ADAM10: variants seen among roughly 807,000 people sequenced by gnomAD.
ADAM10 encodes the protein ADAM metallopeptidase domain 10.
A neutral mutation model predicts 90.1 loss-of-function variants in ADAM10; 17 were observed. That is an observed-to-expected ratio of 0.19 (90% confidence interval 0.13 to 0.28). ADAM10 has a LOEUF of 0.28. ADAM10 is among the 10% of genes least tolerant of loss of function. The probability of loss-of-function intolerance (pLI) is 1.00; values close to 1 mark genes in which losing one functional copy is unlikely to be tolerated. For synonymous variants in ADAM10, 310 were observed against 298.6 expected, an observed-to-expected ratio of 1.04 and a Z score of -0.40; for missense variants, 610 against 914.3, an observed-to-expected ratio of 0.67 and a Z score of 4.29.
rs1894956073 is a variant in ADAM10, at chr15:58,596,535, C to T, written c.*1012G>A. On this transcript the variant is annotated 3_prime_UTR_variant, in exon 16 of 16. Coordinates refer to ENST00000260408, the MANE Select transcript of ADAM10 (RefSeq NM_001110.4). ...TTTAAATATTTTGATAAAGACACAGCTTTTCTTTTCCATATCAGACAGAAA... is the reference window on the plus strand; with the variant it reads ...TTTAAATATTTTGATAAAGACACAGTTTTTCTTTTCCATATCAGACAGAAA... The T allele has an allele frequency of 6.6e-6, 1 of 152,558 alleles. No homozygotes were observed. Among genetic ancestry groups the T allele is most frequent in the Non-Finnish European group, 1.5e-5 (1 of 68,012 alleles). The allele number at this position is 152,558 out of a possible 1,614,324, so 9.5% of individuals were successfully genotyped here.
chr15:58,744,553 C>T (rs1259606796), intron 1 of ADAM10, among the ~76,000 whole-genome samples: 1 of 152,160 alleles, frequency 6.6e-6, no homozygotes, highest in Admixed American at 6.5e-5. Flanking sequence ...CCATTTCAGT[C>T]ATTTCTGGAA....
intron 1 of ADAM10, among the ~76,000 whole-genome samples, chr15:58,738,922 T>G (rs1389169712): frequency 6.6e-6 from 1 of 152,146 alleles, no homozygotes; most frequent in Non-Finnish European, 1.5e-5. Context: ...CCTACATCAC[T>G]TTCACACTCA....
chr15:58,641,012 G>A (rs1289851132), intron 7 of ADAM10, 52 bp from the exon 8 acceptor site: 1 of 1,512,384 alleles, frequency 6.6e-7, no homozygotes, highest in Non-Finnish European at 9.2e-7. Flanking sequence ...CAGAGCTTTA[G>A]TGTGAATGTC....
In ADAM10 at chr15:58,591,728, A is replaced by T. The variant is rs1894827612; in HGVS notation, c.*5819T>A. On this transcript the variant is annotated 3_prime_UTR_variant, in exon 16 of 16. Transcript: ENST00000260408. ...CAGCCAACTTCAATCCTTATTTTTA[A>T]GCAAAAACTTATACATCGTATCATT... The T allele has an allele frequency of 6.6e-6, 1 of 152,248 alleles. No homozygotes were observed. Among genetic ancestry groups the T allele is most frequent in the Non-Finnish European group, 1.5e-5 (1 of 68,038 alleles). The allele number at this position is 152,248 out of a possible 1,614,324, so 9.4% of individuals were successfully genotyped here. A position where few individuals can be genotyped will look rare whatever the true frequency, so the allele number is the denominator to read the frequency against.
intron 14 of ADAM10, among the ~76,000 whole-genome samples, chr15:58,604,807 GT>G (rs1895222777): frequency 1.3e-5 from 2 of 152,176 alleles, no homozygotes; most frequent in Admixed American, 1.3e-4. Flanking sequence ...GAATGCAGTG[GT>G]GCAATCACGG....
At chr15:58,673,660 G>A (rs1395237286) in intron 4 of ADAM10, among the ~76,000 whole-genome samples, 1 of 151,734 alleles carries the variant, frequency 6.6e-6, no homozygotes, top group Non-Finnish European at 1.5e-5. Context: ...TGCATAATAT[G>A]CATAATATGA....
At chr15:58,685,497 AAAG>A (rs1317618460) in intron 2 of ADAM10, among the ~76,000 whole-genome samples, 10 of 106,628 alleles carry the variant, frequency 9.4e-5, no homozygotes, top group African/African-American at 5.1e-4. Flanking sequence ...AAGATACAAA[AAAG>A]AATATAGTAC....
intron 5 of ADAM10, among the ~76,000 whole-genome samples, chr15:58,652,325 G>A (rs1423091580): frequency 6.6e-6 from 1 of 152,134 alleles, no homozygotes; most frequent in Non-Finnish European, 1.5e-5. Context: ...TTGTCCACAT[G>A]AAAGTGGGGA....
At chr15:58,740,202 G>C (rs549519471) in intron 1 of ADAM10, among the ~76,000 whole-genome samples, 1 of 152,296 alleles carries the variant, frequency 6.6e-6, no homozygotes, top group Non-Finnish European at 1.5e-5. Flanking sequence ...TTGAGGTCTA[G>C]AGTTCGAGGC....
chr15:58,606,190 T>C (rs1428450188), intron 14 of ADAM10, among the ~76,000 whole-genome samples: 3 of 152,148 alleles, frequency 2.0e-5, no homozygotes, highest in African/African-American at 4.8e-5. Flanking sequence ...GTCATCCCTA[T>C]AGGGGCAGAA....
Position 58,749,606 on chromosome 15 carries a change from C to G in ADAM10, c.-72G>C. The stretch of plus-strand genomic sequence containing the variant: ...CAGCACATCGATCCGGAGGGAGAAG[C>G]TGAAGGGGCTTGGTCCGGAGCCTCC... On this transcript the variant is annotated 5_prime_UTR_variant, in exon 1 of 16. Transcript: ENST00000260408. The G allele has an allele frequency of 6.5e-7, 1 of 1,547,332 alleles. No individual in the cohort carries two copies. Among genetic ancestry groups the G allele is most frequent in the Non-Finnish European group, 8.7e-7 (1 of 1,144,852 alleles).
intron 4 of ADAM10, among the ~76,000 whole-genome samples, chr15:58,673,897 G>A (rs948966444): frequency 6.6e-6 from 1 of 151,972 alleles, no homozygotes; most frequent in Non-Finnish European, 1.5e-5. Flanking sequence ...ACCACGCCCG[G>A]CTAACTTTTT....
At chr15:58,665,258 G>T in intron 4 of ADAM10, 61 bp from the exon 5 acceptor site, 1 of 1,278,258 alleles carries the variant, frequency 7.8e-7, no homozygotes. Flanking sequence ...AATTATAAAT[G>T]AGAATTACAA....
intron 5 of ADAM10, among the ~76,000 whole-genome samples, chr15:58,649,801 G>A (rs1896641645): frequency 6.6e-6 from 1 of 152,124 alleles, no homozygotes; most frequent in Admixed American, 6.6e-5. Flanking sequence ...TAATTACAGG[G>A]CTTAATGAAT....
intron 2 of ADAM10, among the ~76,000 whole-genome samples, chr15:58,694,314 G>A (rs1321937199): frequency 6.6e-6 from 1 of 152,142 alleles, no homozygotes; most frequent in African/African-American, 2.4e-5. Flanking sequence ...AGCCAGGTGT[G>A]GTGGCAGGTG....
chr15:58,630,016 T>C (rs997420380), intron 9 of ADAM10, among the ~76,000 whole-genome samples: 27 of 152,186 alleles, frequency 1.8e-4, no homozygotes, highest in African/African-American at 6.0e-4. Context: ...TCAAGCAATC[T>C]GCCCACCTCG....
rs540794553 is a variant in ADAM10, at chr15:58,625,472, C to T, written c.1360+2228G>A. Among the ~76,000 whole-genome samples the T allele has an allele frequency of 2.0e-5, 3 of 152,218 alleles. No homozygotes were observed. In the East Asian group the frequency reaches 5.8e-4, roughly 29 times the overall value. On this transcript the variant is annotated intron_variant, in intron 10 of 15. Coordinates refer to ENST00000260408, the MANE Select transcript of ADAM10 (RefSeq NM_001110.4). ...CCATGAGATATCACAGCACGCCCAT[C>T]AGAACAGCTAAAATAAAAAACTGTG...
In ADAM10 at chr15:58,640,020, C is replaced by A. The variant is rs955543371; in HGVS notation, c.1012+757G>T. 3.9e-5 allele frequency among the ~76,000 whole-genome samples: 6 copies of A among 152,032 alleles called. 1 individual carries two copies. Among genetic ancestry groups the A allele is most frequent in the South Asian group, 2.1e-4 (1 of 4,832 alleles). ...ATATTCAAAGAGCCTGGGGTCCTTT[C>A]CACTCATCTTTCAATTAATAAATTT... On this transcript the variant is annotated intron_variant, in intron 8 of 15. Transcript: ENST00000260408.
At chr15:58,683,519 C>A (rs7167528) in intron 2 of ADAM10, among the ~76,000 whole-genome samples, 32,722 of 151,918 alleles carry the variant, frequency 0.22, 4,205 homozygotes, top group East Asian at 0.4. Flanking sequence ...CATATACTTG[C>A]ATGTAAGTGA....
Sources: allele counts gnomAD v4.1 joint callset (sites outside exome capture counted in the v4.1 genomes callset), GRCh38; gene constraint gnomAD v4.1.1; transcripts MANE v1.5; gene names NCBI Gene and HGNC (gene_info 2026-07-23, HGNC 2026-07-21).